The following CDC73 variants were observed in gnomAD, a reference collection of about 807,000 sequenced individuals.
CDC73 encodes the protein cell division cycle 73, also known as parafibromin.
A neutral mutation model predicts 83.7 loss-of-function variants in CDC73; 21 were observed. The observed-to-expected ratio is 0.25, with a 90% CI of 0.18 to 0.36. The LOEUF (loss-of-function observed/expected upper bound fraction) is 0.36. CDC73 is among the 10% of genes least tolerant of loss of function. The pLI is 1.00. For missense variants in CDC73, 342 were observed against 653.3 expected (o/e 0.52, Z 5.19); for synonymous variants, 224 against 212.9 (o/e 1.05, Z -0.45).
intron 10 of CDC73, among the ~76,000 whole-genome samples, chr1:193,201,987 CAGA>C (rs1677099338): frequency 6.6e-6 from 1 of 152,062 alleles, no homozygotes; most frequent in African/African-American, 2.4e-5. Context: ...TAAATGTGGA[CAGA>C]AGATGTCTGC....
chr1:193,170,088 G>T lies in CDC73; in HGVS notation c.972+17644G>T, dbSNP rs559280061. 5.3e-5 allele frequency among the ~76,000 whole-genome samples: 8 copies of T among 152,132 alleles called. No individual in the cohort carries two copies. The East Asian group carries it at 1.4e-3, about 26-fold the overall frequency. ...CTGTGTTAGTTTGCTAAGGATAATG[G>T]TCTCTAGCTCCATCCATGTCCCTGC... On this transcript the variant is annotated intron_variant, in intron 10 of 16. Coordinates refer to ENST00000367435, the MANE Select transcript of CDC73 (RefSeq NM_024529.5).
At position 193,135,395 on chromosome 1, in the gene CDC73, A is replaced by T. The variant is rs747337987; in HGVS notation, c.312A>T (p.Thr104=). 6.2e-7 allele frequency: 1 copy of T among 1,612,660 alleles called. No individual in the cohort carries two copies. The highest frequency in any genetic ancestry group is 1.1e-5 in the South Asian group (1 of 91,050). The change falls in exon 4 of 17, where the codon ACA becomes ACT. Residue 104 remains threonine, a synonymous_variant. Coordinates refer to ENST00000367435, the MANE Select transcript of CDC73 (RefSeq NM_024529.5). ...TGAATCTTTTTATGTCTTCAGCAAC[A>T]TCGGCAAGTATAGACAGAAGCGCTC... ...LLGYLNGEAS[T]SASIDRSAPL...
chr1:193,194,178 A>C (rs541908526), intron 10 of CDC73, among the ~76,000 whole-genome samples: 1 of 152,190 alleles, frequency 6.6e-6, no homozygotes, highest in Non-Finnish European at 1.5e-5. Context: ...AGTTAATTGC[A>C]CATTCAAGGT....
At chr1:193,135,943 A>G (rs1447354266) in intron 5 of CDC73, among the ~76,000 whole-genome samples, 1 of 137,956 alleles carries the variant, frequency 7.2e-6, no homozygotes, top group Non-Finnish European at 1.5e-5. Context: ...ATCATAGCTT[A>G]TTGTAGCCTC....
chr1:193,127,725 A>G (rs540739937), intron 2 of CDC73: 2 of 152,160 alleles, frequency 1.3e-5, no homozygotes, highest in East Asian at 3.9e-4. Context: ...AGATTGAAAG[A>G]GTAGGATTCT....
At chr1:193,245,879 C>T (rs548208979) in intron 15 of CDC73, among the ~76,000 whole-genome samples, 25 of 152,038 alleles carry the variant, frequency 1.6e-4, no homozygotes, top group East Asian at 7.7e-4. Flanking sequence ...GATTTCCTGA[C>T]GATTAGTGAC....
chr1:193,214,959 C>G (rs74725792), intron 13 of CDC73, among the ~76,000 whole-genome samples: 1,808 of 152,258 alleles, frequency 0.012, 36 homozygotes, highest in African/African-American at 0.041. Flanking sequence ...GTAAATTACT[C>G]TAGATGAATA....
At chr1:193,145,649 G>A (rs1254461638) in intron 7 of CDC73, among the ~76,000 whole-genome samples, 3 of 151,876 alleles carry the variant, frequency 2.0e-5, no homozygotes, top group Non-Finnish European at 4.4e-5. Context: ...AATAGATACT[G>A]TAGTTCACAC....
rs921217659 is a variant in CDC73 at position 193,252,916 on chromosome 1, C to T, written c.*2204C>T. The T allele has an allele frequency of 1.3e-5, 3 of 231,368 alleles. No homozygotes were observed. The East Asian group carries it at 1.8e-4, about 14-fold the overall frequency. 14.3% of individuals were successfully genotyped at this position (231,368 alleles called of 1,614,324 possible). Reference sequence around the variant, plus strand: ...ACAAATTTATTATAAAAGTGTAGTTCGACTCTTCTTGGTCTTGGAGTTTGA... The same window carrying T: ...ACAAATTTATTATAAAAGTGTAGTTTGACTCTTCTTGGTCTTGGAGTTTGA... On this transcript the variant is annotated 3_prime_UTR_variant, in exon 17 of 17. Coordinates refer to ENST00000367435, the MANE Select transcript of CDC73 (RefSeq NM_024529.5).
intron 3 of CDC73, among the ~76,000 whole-genome samples, chr1:193,131,930 A>G (rs556653409): frequency 2.0e-5 from 3 of 152,214 alleles, no homozygotes; most frequent in Non-Finnish European, 2.9e-5. Flanking sequence ...CTGAAATTAT[A>G]TATCTGTTTA....
At chr1:193,124,974 A>G (rs942760957) in intron 1 of CDC73, 138 bp from the exon 2 acceptor site, 5 of 676,488 alleles carry the variant, frequency 7.4e-6, no homozygotes, top group Admixed American at 4.6e-5. Flanking sequence ...CAGTCTATTC[A>G]TTATTAGATT....
At position 193,232,993 on chromosome 1, in the gene CDC73, A is replaced by T; in HGVS notation, c.1155A>T (p.Lys385Asn). The T allele has an allele frequency of 6.2e-7, 1 of 1,612,808 alleles. No homozygotes were observed. Among genetic ancestry groups the T allele is most frequent in the Non-Finnish European group, 8.5e-7 (1 of 1,178,906 alleles). Residue 385 changes from lysine to asparagine, a missense_variant and splice_region_variant, in exon 14 of 17, where the codon AAA becomes AAT. Physicochemically the swap from Lys to Asn is moderately conservative, Grantham distance 94. This residue lies in a region of CDC73 where 239 missense variants were observed against 420.6 expected (regional missense o/e 0.57). Transcript: ENST00000367435. ...TTTTCTCATCTCTGTTTTTTCAAAG[A>T]TTTGTCCCATCAGATGAAAAGAAGA... ...LNAKDLLQDLKFVPSDEKKKQ... is the reference protein window; with the variant it reads ...LNAKDLLQDLNFVPSDEKKKQ...
Position 193,252,057 on chromosome 1 carries a change from G to A in CDC73, c.*1345G>A, listed in dbSNP as rs927399041. ...TAGCTTCTTAATGAAATTTAACACT[G>A]TCACAAAAATGAGAAGTTATTATTT... is the stretch of plus-strand genomic sequence containing the variant. On this transcript the variant is annotated 3_prime_UTR_variant, in exon 17 of 17. Transcript: ENST00000367435. 1 of 231,004 alleles carries A rather than the reference G, an allele frequency of 4.3e-6. No homozygotes were observed. The highest frequency in any genetic ancestry group is 2.2e-5 in the African/African-American group (1 of 45,144). 14.3% of individuals were successfully genotyped at this position (231,004 alleles called of 1,614,324 possible).
At chr1:193,218,384 A>T (rs1166915334) in intron 13 of CDC73, among the ~76,000 whole-genome samples, 3 of 152,358 alleles carry the variant, frequency 2.0e-5, no homozygotes, top group Non-Finnish European at 4.4e-5. Context: ...AAACTACCAG[A>T]TTTCATTTTT....
rs1363038052 is a variant in CDC73, at chr1:193,253,770, A to C, written c.*3058A>C. On this transcript the variant is annotated 3_prime_UTR_variant, in exon 17 of 17. Transcript: ENST00000367435. ...CAAATACAGTTTGCTTATGAAAGGA[A>C]AGTGGCATACTTTTAAATTGGTCTA... The C allele has an allele frequency of 4.3e-6, 1 of 230,838 alleles. No homozygotes were observed. Among genetic ancestry groups the C allele is most frequent in the Non-Finnish European group, 8.6e-6 (1 of 116,688 alleles). 14.3% of individuals were successfully genotyped at this position (230,838 alleles called of 1,614,324 possible).
At chr1:193,203,928 G>A (rs544565459) in intron 11 of CDC73, 76 bp downstream of exon 11, 41 of 1,175,116 alleles carry the variant, frequency 3.5e-5, no homozygotes, top group Admixed American at 2.6e-4. Context: ...TGCGTATAAT[G>A]CTTTGAACAA....
At chr1:193,194,673 G>A (rs576022296) in intron 10 of CDC73, among the ~76,000 whole-genome samples, 1 of 152,024 alleles carries the variant, frequency 6.6e-6, no homozygotes, top group Admixed American at 6.5e-5. Context: ...TTGGATTTTT[G>A]CTAATTGCAG....
chr1:193,199,983 C>T (rs1289496204), intron 10 of CDC73, among the ~76,000 whole-genome samples: 1 of 151,450 alleles, frequency 6.6e-6, no homozygotes, highest in Non-Finnish European at 1.5e-5. Flanking sequence ...GTGGTACACA[C>T]CTGTAATCCT....
intron 9 of CDC73, among the ~76,000 whole-genome samples, chr1:193,151,266 C>T (rs879572856): frequency 2.6e-5 from 4 of 152,120 alleles, no homozygotes; most frequent in South Asian, 2.1e-4. Flanking sequence ...TGCCTTGATG[C>T]AATGAATTTT....
Sources: allele counts gnomAD v4.1 joint callset (sites outside exome capture counted in the v4.1 genomes callset), GRCh38; gene constraint gnomAD v4.1.1; regional missense constraint gnomAD v4.1.1; transcripts MANE v1.5; gene names NCBI Gene and HGNC (gene_info 2026-07-23, HGNC 2026-07-21).